The following WWOX variants were observed in gnomAD, a reference collection of about 807,000 sequenced individuals.
The protein encoded by WWOX is WW domain-containing oxidoreductase.
A neutral mutation model predicts 46.2 loss-of-function variants in WWOX; 69 were observed. The observed-to-expected ratio is 1.49, with a 90% CI of 1.23 to 1.82. WWOX has a LOEUF of 1.82. Among genes scored for constraint, WWOX ranks in the 40% most tolerant of loss-of-function variants. WWOX has a pLI of 0.00. For synonymous variants in WWOX, 359 were observed against 202.6 expected (o/e 1.77, Z -6.56); for missense variants, 919 against 542.6 (o/e 1.69, Z -6.89).
At chr16:78,801,537 C>T (rs1420959936) in intron 8 of WWOX, among the ~76,000 whole-genome samples, 1 of 152,142 alleles carries the variant, frequency 6.6e-6, no homozygotes, top group Admixed American at 6.5e-5. Context: ...GCTATTTTAG[C>T]TTCCGATGAG....
intron 5 of WWOX, among the ~76,000 whole-genome samples, chr16:78,194,358 C>T (rs527391496): frequency 8.9e-4 from 135 of 151,372 alleles, no homozygotes; most frequent in Non-Finnish European, 1.7e-3. Flanking sequence ...GAGGCCGAGG[C>T]GGGTGGATCA....
intron 5 of WWOX, among the ~76,000 whole-genome samples, chr16:78,308,664 A>G (rs1027082343): frequency 6.6e-6 from 1 of 152,118 alleles, no homozygotes. Context: ...GATCCAGGAG[A>G]GATTCACTAG....
chr16:78,309,207 A>C (rs2080188790), intron 5 of WWOX, among the ~76,000 whole-genome samples: 1 of 152,320 alleles, frequency 6.6e-6, no homozygotes, highest in East Asian at 1.9e-4. Context: ...TAATTGAATC[A>C]TATACTCCCG....
chr16:78,699,700 C>T (rs1038964441), intron 8 of WWOX, among the ~76,000 whole-genome samples: 1 of 152,214 alleles, frequency 6.6e-6, no homozygotes, highest in Non-Finnish European at 1.5e-5. Flanking sequence ...CTGATATCTA[C>T]AGCCTCTACC....
chr16:78,493,527 A>G (rs1000033432), intron 8 of WWOX, among the ~76,000 whole-genome samples: 2 of 152,228 alleles, frequency 1.3e-5, no homozygotes, highest in Non-Finnish European at 2.9e-5. Context: ...TCTAGTATCA[A>G]CTGAGTTCTT....
At chr16:78,769,470 G>C (rs2050009823) in intron 8 of WWOX, among the ~76,000 whole-genome samples, 1 of 152,014 alleles carries the variant, frequency 6.6e-6, no homozygotes, top group African/African-American at 2.4e-5. Context: ...CTTGCATTCT[G>C]TGACAGATGG....
In WWOX at chr16:79,212,193, T is replaced by C; in HGVS notation, c.*397T>C. 2.1e-6 allele frequency: 3 copies of C among 1,463,196 alleles called. No homozygotes were observed. The highest frequency in any genetic ancestry group is 2.1e-4 in the Middle Eastern group (1 of 4,764). 90.6% of individuals were successfully genotyped at this position (1,463,196 alleles called of 1,614,324 possible). On this transcript the variant is annotated 3_prime_UTR_variant, in exon 9 of 9. Transcript: ENST00000566780. ...CACCACTGCAGCCGGGGGCTGGCCT[T>C]CTCCTACTTAGGGAAGAAAAAGCAA...
chr16:79,211,458 G>A, intron 8 of WWOX, 150 bp from the exon 9 acceptor site: 1 of 947,424 alleles, frequency 1.1e-6, no homozygotes, highest in South Asian at 1.4e-5. Flanking sequence ...ACAGTCATGT[G>A]CTTTCAGCCC....
At chr16:79,147,510 A>T (rs1378511333) in intron 8 of WWOX, among the ~76,000 whole-genome samples, 2 of 152,218 alleles carry the variant, frequency 1.3e-5, no homozygotes, top group African/African-American at 4.8e-5. Flanking sequence ...TCTCCCGCTG[A>T]AGGAAATCTA....
intron 8 of WWOX, among the ~76,000 whole-genome samples, chr16:78,962,797 T>A (rs1469675022): frequency 2.0e-5 from 3 of 152,218 alleles, no homozygotes; most frequent in African/African-American, 7.2e-5. Flanking sequence ...TTCCCCTTTC[T>A]AAGCAAGAAG....
chr16:78,892,851 C>G (rs2044620876), intron 8 of WWOX, among the ~76,000 whole-genome samples: 1 of 152,168 alleles, frequency 6.6e-6, no homozygotes, highest in African/African-American at 2.4e-5. Flanking sequence ...AGGAACTCTG[C>G]TGTTTGAGCA....
In WWOX at chr16:79,211,951, C is replaced by CCAAT; in HGVS notation, c.*156_*159dup. The CCAAT allele has an allele frequency of 6.5e-7, 1 of 1,536,706 alleles. No homozygotes were observed. The highest frequency in any genetic ancestry group is 8.7e-7 in the Non-Finnish European group (1 of 1,146,936). On this transcript the variant is annotated 3_prime_UTR_variant, in exon 9 of 9. Transcript: ENST00000566780. ...ACAACAGAGTGAAAAATCTTAAGTA[C>CCAAT]CAATGGGAAGCAGGGAATTCCTGGG...
intron 5 of WWOX, among the ~76,000 whole-genome samples, chr16:78,223,212 T>C (rs1422398165): frequency 6.6e-6 from 1 of 152,108 alleles, no homozygotes; most frequent in Admixed American, 6.6e-5. Context: ...GGGACACTTG[T>C]CTGGAGATAT....
intron 8 of WWOX, among the ~76,000 whole-genome samples, chr16:78,649,988 T>C (rs1296531406): frequency 3.3e-5 from 5 of 152,200 alleles, no homozygotes; most frequent in African/African-American, 7.2e-5. Context: ...GGAGGTTCCA[T>C]TGTATATTTT....
At chr16:79,019,902 TG>T (rs928869362) in intron 8 of WWOX, among the ~76,000 whole-genome samples, 3 of 152,176 alleles carry the variant, frequency 2.0e-5, no homozygotes, top group African/African-American at 4.8e-5. Context: ...TTCCCTCTAA[TG>T]GGGGTAAATA....
chr16:78,669,070 A>C (rs1208754632), intron 8 of WWOX, among the ~76,000 whole-genome samples: 1 of 152,198 alleles, frequency 6.6e-6, no homozygotes, highest in Admixed American at 6.5e-5. Context: ...CCTTCCACTG[A>C]AGCTACAACT....
intron 5 of WWOX, among the ~76,000 whole-genome samples, chr16:78,378,804 C>T (rs35396328): frequency 9.9e-5 from 15 of 151,950 alleles, no homozygotes; most frequent in African/African-American, 3.6e-4. Flanking sequence ...GCCGTGCTTA[C>T]ATTTTCTCCT....
intron 8 of WWOX, among the ~76,000 whole-genome samples, chr16:78,469,207 C>T (rs750931740): frequency 1.3e-5 from 2 of 152,144 alleles, no homozygotes; most frequent in Non-Finnish European, 2.9e-5. Context: ...ATTCCCTCTC[C>T]TGAGAAGCAT....
chr16:78,115,256 A>G (rs1344418413), intron 4 of WWOX, 102 bp downstream of exon 4: 6 of 1,364,806 alleles, frequency 4.4e-6, no homozygotes, highest in Admixed American at 1.8e-5. Context: ...TGATTTAAAC[A>G]TGACTTTTAT....
Sources: allele counts gnomAD v4.1 joint callset (sites outside exome capture counted in the v4.1 genomes callset), GRCh38; gene constraint gnomAD v4.1.1; transcripts MANE v1.5; gene names NCBI Gene and HGNC (gene_info 2026-07-23, HGNC 2026-07-21).